EMCN: variants seen among roughly 807,000 people sequenced by gnomAD.
EMCN encodes the protein MUC-14.
Under a neutral mutation model 38.4 loss-of-function variants are expected in EMCN, and 37 were observed. The observed-to-expected ratio is 0.96, with a 90% CI of 0.74 to 1.27. EMCN has a LOEUF of 1.27. Ranked by LOEUF, EMCN falls within the 50% of genes most tolerant of loss-of-function variation. The pLI, the probability that EMCN is intolerant of heterozygous loss-of-function variation, is 0.00. For missense variants in EMCN, 318 were observed against 302.8 expected, an observed-to-expected ratio of 1.05 and a Z score of -0.37; for synonymous variants, 95 against 100.8, an observed-to-expected ratio of 0.94 and a Z score of 0.35.
intron 4 of EMCN, among the ~76,000 whole-genome samples, chr4:100,464,365 A>G (rs1728260052): frequency 6.6e-6 from 1 of 152,036 alleles, no homozygotes; most frequent in Non-Finnish European, 1.5e-5. Flanking sequence ...TTCCTTTTCA[A>G]TCTAAATGTA....
Position 100,475,026 on chromosome 4 carries a change from A to G in EMCN, c.259+12T>C. 6 of 1,416,286 alleles carry G rather than the reference A, an allele frequency of 4.2e-6. No homozygotes were observed. The highest frequency in any genetic ancestry group is 5.8e-6 in the Non-Finnish European group (6 of 1,033,464). The allele number at this position is 1,416,286 out of a possible 1,614,324, so 87.7% of individuals were successfully genotyped here. ...ATTTTTTAAAATTGTAGAAAAATGA[A>G]TCATTACTCACCTTCATCTTTACTT... On this transcript the variant is annotated intron_variant, in intron 3 of 11. Transcript: ENST00000296420.
chr4:100,428,635 A>G (rs1026044967), intron 5 of EMCN, among the ~76,000 whole-genome samples: 2 of 152,176 alleles, frequency 1.3e-5, no homozygotes, highest in African/African-American at 2.4e-5. Context: ...GAATGTATAA[A>G]CAAACTTCTT....
chr4:100,501,856 T>C (rs972230307), intron 1 of EMCN, among the ~76,000 whole-genome samples: 1 of 98,932 alleles, frequency 1.0e-5, no homozygotes, highest in Non-Finnish European at 2.5e-5. Flanking sequence ...TTCTAGTGGG[T>C]TTTTTTTTTT....
chr4:100,471,741 G>C (rs918569415), intron 3 of EMCN, among the ~76,000 whole-genome samples: 1 of 151,894 alleles, frequency 6.6e-6, no homozygotes, highest in African/African-American at 2.4e-5. Context: ...CCATGACCAA[G>C]TTGGATTTAG....
At chr4:100,446,266 TA>T in intron 5 of EMCN, 3 of 911,556 alleles carry the variant, frequency 3.3e-6, no homozygotes, top group Non-Finnish European at 3.9e-6. Context: ...ATGGAAATAA[TA>T]AAAAATATGG....
At chr4:100,427,596 T>TTTCTAA (rs1727086664) in intron 5 of EMCN, among the ~76,000 whole-genome samples, 1 of 151,924 alleles carries the variant, frequency 6.6e-6, no homozygotes, top group Admixed American at 6.6e-5. Flanking sequence ...CCCTCTTTTC[T>TTTCTAA]TTCTAAATTA....
intron 4 of EMCN, among the ~76,000 whole-genome samples, chr4:100,461,328 T>C (rs897214309): frequency 6.6e-6 from 1 of 152,174 alleles, no homozygotes; most frequent in South Asian, 2.1e-4. Flanking sequence ...TTTTTTACTG[T>C]TTTATTATTA....
intron 5 of EMCN, among the ~76,000 whole-genome samples, chr4:100,425,702 A>C (rs1230616362): frequency 1.3e-5 from 2 of 151,944 alleles, no homozygotes; most frequent in South Asian, 2.1e-4. Context: ...TTCTTATATT[A>C]TGATTATTCC....
At chr4:100,405,532 T>C (rs1257319640) in intron 11 of EMCN, among the ~76,000 whole-genome samples, 2 of 152,120 alleles carry the variant, frequency 1.3e-5, no homozygotes, top group Admixed American at 1.3e-4. Context: ...TATTGATTTA[T>C]GTATGTTGAA....
At chr4:100,491,484 A>G (rs982949977) in intron 1 of EMCN, among the ~76,000 whole-genome samples, 1 of 152,166 alleles carries the variant, frequency 6.6e-6, no homozygotes, top group Non-Finnish European at 1.5e-5. Context: ...AGCCAAACCT[A>G]AAAGCCCCCC....
chr4:100,486,783 G>T (rs975233229), intron 1 of EMCN: 1 of 878,026 alleles, frequency 1.1e-6, no homozygotes, highest in Non-Finnish European at 1.4e-6. Flanking sequence ...AACAATATCT[G>T]CAAAATGGAC....
intron 1 of EMCN, 65 bp downstream of exon 1, chr4:100,517,786 T>C: frequency 6.8e-7 from 1 of 1,478,636 alleles, no homozygotes; most frequent in Middle Eastern, 1.7e-4. Context: ...GAAAGTAAAC[T>C]GAGGCTGAGT....
chr4:100,417,080 G>C, intron 9 of EMCN, 37 bp downstream of exon 9: 1 of 1,603,292 alleles, frequency 6.2e-7, no homozygotes, highest in Non-Finnish European at 8.5e-7. Context: ...TACGTAAATG[G>C]TAGGGTCTAA....
chr4:100,496,562 C>T (rs1311161480), intron 1 of EMCN, among the ~76,000 whole-genome samples: 2 of 152,044 alleles, frequency 1.3e-5, no homozygotes, highest in Non-Finnish European at 2.9e-5. Flanking sequence ...TGTTATAATA[C>T]TACCACAAAA....
At chr4:100,489,242 T>A (rs2110290311) in intron 1 of EMCN, among the ~76,000 whole-genome samples, 1 of 152,364 alleles carries the variant, frequency 6.6e-6, no homozygotes, top group South Asian at 2.1e-4. Flanking sequence ...AGTATTCCCA[T>A]GCTACTACTT....
At chr4:100,504,413 A>G (rs758550167) in intron 1 of EMCN, among the ~76,000 whole-genome samples, 6 of 152,266 alleles carry the variant, frequency 3.9e-5, no homozygotes, top group Non-Finnish European at 7.3e-5. Context: ...CTTTTTCAGT[A>G]TAATAAAATA....
At chr4:100,486,225 G>A (rs946729043) in intron 1 of EMCN, among the ~76,000 whole-genome samples, 3 of 152,036 alleles carry the variant, frequency 2.0e-5, no homozygotes, top group Admixed American at 6.5e-5. Context: ...TTTCTTGGAG[G>A]AAAATTTTTC....
At chr4:100,514,064 T>G (rs1301965679) in intron 1 of EMCN, among the ~76,000 whole-genome samples, 2 of 152,034 alleles carry the variant, frequency 1.3e-5, no homozygotes, top group Non-Finnish European at 2.9e-5. Flanking sequence ...TGGGCAAGAT[T>G]AAGAAATATT....
At chr4:100,517,282 T>A (rs1393596277) in intron 1 of EMCN, among the ~76,000 whole-genome samples, 1 of 152,104 alleles carries the variant, frequency 6.6e-6, no homozygotes, top group African/African-American at 2.4e-5. Context: ...TGTTTAGATA[T>A]GTGCATATTT....
Sources: gnomAD v4.1 joint callset for allele counts (sites outside exome capture counted in the v4.1 genomes callset) on GRCh38, gnomAD v4.1.1 for gene constraint, MANE v1.5 for transcripts, NCBI Gene and HGNC (gene_info 2026-07-23, HGNC 2026-07-21) for gene names.